Variants in ZFHX3 observed in about 807,000 individuals in gnomAD.
ZFHX3 encodes the protein zinc finger homeobox 3.
ZFHX3 carries 42 observed loss-of-function variants against 279.1 expected under a neutral mutation model. The observed-to-expected ratio is 0.15, with a 90% confidence interval of 0.12 to 0.19. ZFHX3 has a LOEUF of 0.19. Ranked by LOEUF, ZFHX3 falls within the 10% of genes least tolerant of loss-of-function variation. The pLI is 1.00. For missense variants in ZFHX3, 4,981 were observed against 4,754.0 expected (o/e 1.05, Z -1.40); for synonymous variants, 2,293 against 1,957.8 (o/e 1.17, Z -4.52).
intron 4 of ZFHX3, among the ~76,000 whole-genome samples, chr16:72,880,910 A>G (rs1158821729): frequency 6.6e-6 from 1 of 152,256 alleles, no homozygotes; most frequent in African/African-American, 2.4e-5. Context: ...CATAAGTAGC[A>G]AAAAGCAAAA....
intron 5 of ZFHX3, among the ~76,000 whole-genome samples, chr16:73,226,101 T>C (rs1235698113): frequency 6.6e-6 from 1 of 151,776 alleles, no homozygotes; most frequent in African/African-American, 2.4e-5. Flanking sequence ...ACAAAAAGAG[T>C]TGCTTCTGTG....
At chr16:73,582,450 A>T (rs2051872033) in intron 2 of ZFHX3, among the ~76,000 whole-genome samples, 1 of 151,790 alleles carries the variant, frequency 6.6e-6, no homozygotes, top group African/African-American at 2.4e-5. Flanking sequence ...AGAAAAAAAA[A>T]ATTAAGCCTA....
rs727502780 is a variant in ZFHX3 at position 72,788,110 on chromosome 16, T to TGCTGCTGCTGCTGCTGTAGTTGCC, written c.10142_10165dup (p.Arg3381_Gln3388dup). Reference sequence around the variant, plus strand: ...TTTGGGCTGCTGCTGCTGCACTTTTTGCTGCTGCTGCTGCTGTAGTTGCCG... The same window carrying TGCTGCTGCTGCTGCTGTAGTTGCC: ...TTTGGGCTGCTGCTGCTGCACTTTTTGCTGCTGCTGCTGCTGTAGTTGCCGCTGCTGCTGCTGCTGTAGTTGCCG... On this transcript the variant is annotated inframe_insertion, in exon 10 of 10. Coordinates refer to ENST00000268489, the MANE Select transcript of ZFHX3 (RefSeq NM_006885.4). 1.3e-5 allele frequency: 21 copies of TGCTGCTGCTGCTGCTGTAGTTGCC among 1,599,246 alleles called. No homozygotes were observed. Among genetic ancestry groups the TGCTGCTGCTGCTGCTGTAGTTGCC allele is most frequent in the African/African-American group, 2.7e-5 (2 of 74,472 alleles).
intron 2 of ZFHX3, among the ~76,000 whole-genome samples, chr16:73,530,330 C>G (rs1056008546): frequency 2.6e-5 from 4 of 152,146 alleles, no homozygotes. Flanking sequence ...AGCTACAGCT[C>G]AAGATGAGAT....
intron 1 of ZFHX3, among the ~76,000 whole-genome samples, chr16:73,743,972 T>A (rs558205173): frequency 6.6e-6 from 1 of 152,290 alleles, no homozygotes; most frequent in South Asian, 2.1e-4. Flanking sequence ...ACATCCTCTC[T>A]ACATAACAGT....
intron 5 of ZFHX3, among the ~76,000 whole-genome samples, chr16:73,253,577 T>C (rs1004127578): frequency 6.6e-6 from 1 of 151,416 alleles, no homozygotes; most frequent in Admixed American, 6.6e-5. Flanking sequence ...TCAGCCTCCC[T>C]AGTAGCAGGG....
intron 2 of ZFHX3, among the ~76,000 whole-genome samples, chr16:73,617,770 GT>G (rs201702079): frequency 7.9e-5 from 12 of 151,350 alleles, no homozygotes; most frequent in Non-Finnish European, 1.2e-4. Flanking sequence ...ATGTTAACTT[GT>G]TTTTTTTTAA....
intron 3 of ZFHX3, among the ~76,000 whole-genome samples, chr16:73,446,727 C>T (rs1020949977): frequency 6.6e-6 from 1 of 152,058 alleles, no homozygotes; most frequent in Non-Finnish European, 1.5e-5. Context: ...ATACTGGGGC[C>T]TACCGGAGAG....
intron 1 of ZFHX3, among the ~76,000 whole-genome samples, chr16:73,761,256 T>C (rs568897773): frequency 6.6e-6 from 1 of 151,670 alleles, no homozygotes; most frequent in East Asian, 1.9e-4. Context: ...AAAAATAAAA[T>C]ACATAGGAAT....
At chr16:73,378,567 A>G (rs1235410435) in intron 3 of ZFHX3, among the ~76,000 whole-genome samples, 2 of 152,224 alleles carry the variant, frequency 1.3e-5, no homozygotes, top group Admixed American at 6.5e-5. Context: ...ACGTACAGAT[A>G]AATTTAAGAT....
intron 1 of ZFHX3, chr16:73,891,513 G>A (rs969125312): frequency 1.3e-5 from 2 of 152,274 alleles, no homozygotes; most frequent in African/African-American, 2.4e-5. Flanking sequence ...GAGAGAGGGG[G>A]AGAGAGGACA....
At chr16:73,633,835 T>C in intron 2 of ZFHX3, among the ~76,000 whole-genome samples, 1 of 151,700 alleles carries the variant, frequency 6.6e-6, no homozygotes, top group Non-Finnish European at 1.5e-5. Context: ...GAGGCGGAGG[T>C]TGCAGTGAGC....
chr16:73,470,634 T>A (rs1302512728), intron 2 of ZFHX3, among the ~76,000 whole-genome samples: 1 of 152,206 alleles, frequency 6.6e-6, no homozygotes, highest in Non-Finnish European at 1.5e-5. Flanking sequence ...CAGAATCTTG[T>A]GACAGGTACA....
intron 3 of ZFHX3, among the ~76,000 whole-genome samples, chr16:73,374,808 A>C (rs2016694164): frequency 2.0e-5 from 3 of 152,154 alleles, no homozygotes; most frequent in Non-Finnish European, 4.4e-5. Flanking sequence ...TGCAGATTGC[A>C]TTCTTATGGT....
chr16:72,785,469 A>AG lies in ZFHX3; in HGVS notation c.*1694dup, dbSNP rs2035325168. 2.0e-5 allele frequency: 3 copies of AG among 152,684 alleles called. No homozygotes were observed. The allele number at this position is 152,684 out of a possible 1,614,324, so 9.5% of individuals were successfully genotyped here. Reference sequence around the variant, plus strand: ...TAACATTTGCCTCTCTGCTTGCAGAAGAAGCACATAACAACCTGGGAATCT... The same window carrying AG: ...TAACATTTGCCTCTCTGCTTGCAGAAGGAAGCACATAACAACCTGGGAATCT... On this transcript the variant is annotated 3_prime_UTR_variant, in exon 10 of 10. Coordinates refer to ENST00000268489, the MANE Select transcript of ZFHX3 (RefSeq NM_006885.4).
intron 4 of ZFHX3, among the ~76,000 whole-genome samples, chr16:73,282,488 T>C (rs550446892): frequency 6.6e-6 from 1 of 152,358 alleles, no homozygotes; most frequent in Non-Finnish European, 1.5e-5. Context: ...GTGGGTTCTC[T>C]ACTTCAGGAA....
chr16:73,568,854 T>G (rs2020487738), intron 2 of ZFHX3, among the ~76,000 whole-genome samples: 1 of 152,062 alleles, frequency 6.6e-6, no homozygotes, highest in Non-Finnish European at 1.5e-5. Context: ...TCTGGGCCAC[T>G]CTCCATGCCC....
At chr16:72,790,590 CT>C (rs2143337240) in intron 9 of ZFHX3, 1 of 152,350 alleles carries the variant, frequency 6.6e-6, no homozygotes, top group Admixed American at 6.5e-5. Context: ...AGACAAACAG[CT>C]GTTAATACTG....
At chr16:73,290,448 G>A (rs1381820700) in intron 4 of ZFHX3, among the ~76,000 whole-genome samples, 1 of 152,192 alleles carries the variant, frequency 6.6e-6, no homozygotes, top group Non-Finnish European at 1.5e-5. Context: ...CCTGGGGTGG[G>A]CAGGGGCCTG....
Sources: allele counts gnomAD v4.1 joint callset (sites outside exome capture counted in the v4.1 genomes callset), GRCh38; gene constraint gnomAD v4.1.1; transcripts MANE v1.5; gene names NCBI Gene and HGNC (gene_info 2026-07-23, HGNC 2026-07-21).